KCNH5: variants seen among roughly 807,000 people sequenced by gnomAD.
KCNH5 encodes the protein potassium voltage-gated channel subfamily H member 5.
In KCNH5, 46 loss-of-function variants were observed where a neutral mutation model predicts 96.1. The observed-to-expected ratio is 0.48, with a 90% CI of 0.38 to 0.61. KCNH5 has a LOEUF of 0.61. Ranked by LOEUF, KCNH5 falls within the 20% of genes least tolerant of loss-of-function variation. The pLI, the probability that KCNH5 is intolerant of heterozygous loss-of-function variation, is 0.00. For missense variants in KCNH5, 907 were observed against 1,225.8 expected (o/e 0.74, Z 3.88); for synonymous variants, 439 against 449.8 (o/e 0.98, Z 0.30).
intron 4 of KCNH5, among the ~76,000 whole-genome samples, chr14:62,999,008 GT>G (rs1252965689): frequency 6.6e-6 from 1 of 152,138 alleles, no homozygotes; most frequent in South Asian, 2.1e-4. Flanking sequence ...GTGTGCATGT[GT>G]CTTTACAGCA....
intron 6 of KCNH5, among the ~76,000 whole-genome samples, chr14:62,968,051 T>C (rs1433355112): frequency 6.6e-6 from 1 of 152,208 alleles, no homozygotes; most frequent in Non-Finnish European, 1.5e-5. Flanking sequence ...CATTGGAAAT[T>C]CATGCAAAAG....
chr14:62,776,571 C>A (rs1595617412), intron 10 of KCNH5, among the ~76,000 whole-genome samples: 1 of 152,296 alleles, frequency 6.6e-6, no homozygotes, highest in East Asian at 1.9e-4. Context: ...AAGACAGCTG[C>A]TTTCATACTA....
intron 6 of KCNH5, among the ~76,000 whole-genome samples, chr14:62,970,672 C>T (rs1890390057): frequency 6.6e-6 from 1 of 152,112 alleles, no homozygotes; most frequent in Non-Finnish European, 1.5e-5. Context: ...GGATTTGGTT[C>T]TAGGTATGCA....
At chr14:62,942,100 A>C (rs1464116736) in intron 7 of KCNH5, among the ~76,000 whole-genome samples, 1 of 152,214 alleles carries the variant, frequency 6.6e-6, no homozygotes, top group Non-Finnish European at 1.5e-5. Flanking sequence ...TTCTCCATAA[A>C]GCAATGTATG....
At chr14:63,021,001 T>C (rs1891416464) in intron 1 of KCNH5, among the ~76,000 whole-genome samples, 1 of 152,034 alleles carries the variant, frequency 6.6e-6, no homozygotes, top group South Asian at 2.1e-4. Flanking sequence ...ATAAATGATG[T>C]TTTCTTTTAT....
At chr14:62,999,985 G>A (rs1045314921) in intron 4 of KCNH5, among the ~76,000 whole-genome samples, 23 of 151,926 alleles carry the variant, frequency 1.5e-4, no homozygotes, top group Admixed American at 2.0e-4. Context: ...ATGTGTAAAG[G>A]AACAGGGAAT....
chr14:62,955,502 T>C (rs59055029), intron 6 of KCNH5, among the ~76,000 whole-genome samples: 2,262 of 152,300 alleles, frequency 0.015, 47 homozygotes, highest in African/African-American at 0.051. Context: ...TTAAAAATAA[T>C]TGGACTAAGT....
At chr14:62,976,616 A>G (rs61000383) in intron 6 of KCNH5, among the ~76,000 whole-genome samples, 29,667 of 152,118 alleles carry the variant, frequency 0.2, 3,213 homozygotes, top group Non-Finnish European at 0.25. Context: ...TCTGCACAAA[A>G]GCATATCTTC....
chr14:62,795,774 AG>A (rs1886528805), intron 9 of KCNH5, among the ~76,000 whole-genome samples: 1 of 152,140 alleles, frequency 6.6e-6, no homozygotes, highest in Non-Finnish European at 1.5e-5. Flanking sequence ...GAGGATAAAC[AG>A]GGGAAGGATA....
At chr14:62,842,527 T>C (rs1050029139) in intron 8 of KCNH5, among the ~76,000 whole-genome samples, 1 of 152,268 alleles carries the variant, frequency 6.6e-6, no homozygotes, top group African/African-American at 2.4e-5. Flanking sequence ...ATAGTTTTCA[T>C]ATATTTGTTG....
intron 2 of KCNH5, among the ~76,000 whole-genome samples, chr14:63,009,232 A>T (rs1891181807): frequency 1.3e-5 from 2 of 152,180 alleles, no homozygotes; most frequent in Non-Finnish European, 1.5e-5. Context: ...ACTCAAATTT[A>T]AAAAAGAAGC....
At chr14:63,027,166 A>G (rs1413192972) in intron 1 of KCNH5, among the ~76,000 whole-genome samples, 2 of 151,952 alleles carry the variant, frequency 1.3e-5, no homozygotes, top group South Asian at 2.1e-4. Context: ...AGAAACAGAG[A>G]AAAATGGTGG....
intron 7 of KCNH5, among the ~76,000 whole-genome samples, chr14:62,870,844 AG>A (rs1888239622): frequency 6.6e-6 from 1 of 152,228 alleles, no homozygotes; most frequent in Admixed American, 6.5e-5. Context: ...ATGAAATTAA[AG>A]GTGGAGAGGA....
intron 9 of KCNH5, among the ~76,000 whole-genome samples, chr14:62,795,590 G>A (rs1423162877): frequency 6.6e-6 from 1 of 152,100 alleles, no homozygotes; most frequent in Admixed American, 6.6e-5. Context: ...CTCAGAGTAG[G>A]GTCTCTGTGA....
intron 10 of KCNH5, among the ~76,000 whole-genome samples, chr14:62,734,431 T>TA (rs1885114293): frequency 6.6e-6 from 1 of 152,146 alleles, no homozygotes; most frequent in Non-Finnish European, 1.5e-5. Context: ...AGTTTCTAGT[T>TA]AAAGTCATAA....
At chr14:62,847,159 A>ATG (rs1336804649) in intron 8 of KCNH5, among the ~76,000 whole-genome samples, 2 of 147,592 alleles carry the variant, frequency 1.4e-5, no homozygotes, top group East Asian at 2.0e-4. Context: ...TTTTTTATAT[A>ATG]TATATATTAT....
In KCNH5 at chr14:62,815,811, TAG is replaced by T. The variant is rs781236378; in HGVS notation, c.1570-13232_1570-13231del. ...ATGTTTAAATCTACCAGTCTTCCAATAGAGAGAGCAAAGTAAAGTAAGCTGTC... is the reference window on the plus strand; with the variant it reads ...ATGTTTAAATCTACCAGTCTTCCAATAGAGAGCAAAGTAAAGTAAGCTGTC... On this transcript the variant is annotated intron_variant, in intron 8 of 10. Transcript: ENST00000322893. Among the ~76,000 whole-genome samples, 4 of 152,044 alleles carry T rather than the reference TAG, an allele frequency of 2.6e-5. No homozygotes were observed. In the East Asian group the frequency reaches 7.7e-4, roughly 29 times the overall value.
intron 1 of KCNH5, among the ~76,000 whole-genome samples, chr14:63,021,152 A>G (rs531381580): frequency 1.3e-5 from 2 of 152,224 alleles, no homozygotes; most frequent in African/African-American, 2.4e-5. Flanking sequence ...ATACAGCTAC[A>G]TGGTATCCCT....
intron 8 of KCNH5, among the ~76,000 whole-genome samples, chr14:62,841,874 G>A (rs1417469833): frequency 1.3e-5 from 2 of 152,152 alleles, no homozygotes; most frequent in African/African-American, 4.8e-5. Flanking sequence ...ATGAAGTAGG[G>A]TACTGAGCAA....
Sources: gnomAD v4.1 joint callset for allele counts (sites outside exome capture counted in the v4.1 genomes callset) on GRCh38, gnomAD v4.1.1 for gene constraint, MANE v1.5 for transcripts, NCBI Gene and HGNC (gene_info 2026-07-23, HGNC 2026-07-21) for gene names.